The following SLCO2B1 variants were observed in gnomAD, a reference collection of about 807,000 sequenced individuals.
SLCO2B1 encodes the protein solute carrier organic anion transporter family member 2B1.
In SLCO2B1, 41 loss-of-function variants were observed where a neutral mutation model predicts 67.3. That is an observed-to-expected ratio of 0.61 (90% CI 0.47 to 0.79). The LOEUF (loss-of-function observed/expected upper bound fraction) is 0.79, where lower values mean the gene tolerates loss of function less well. SLCO2B1 is among the 30% of genes least tolerant of loss of function. The pLI, the probability that SLCO2B1 is intolerant of heterozygous loss-of-function variation, is 0.00. For missense variants in SLCO2B1, 837 were observed against 920.1 expected, an observed-to-expected ratio of 0.91 and a Z score of 1.17; for synonymous variants, 379 against 381.4, an observed-to-expected ratio of 0.99 and a Z score of 0.07.
chr11:75,188,096 G>A (rs1261154875), intron 7 of SLCO2B1, 40 bp from the exon 8 acceptor site: 1 of 1,466,984 alleles, frequency 6.8e-7, no homozygotes. Flanking sequence ...TGGGGTTGCT[G>A]GCATCCAGCG....
chr11:75,160,794 G>A (rs1244608239), intron 1 of SLCO2B1, among the ~76,000 whole-genome samples: 2 of 152,192 alleles, frequency 1.3e-5, no homozygotes, highest in Admixed American at 6.5e-5. Flanking sequence ...TTTCTCCAAA[G>A]CAAGATATAC....
At chr11:75,177,175 TAC>T (rs111442424) in intron 7 of SLCO2B1, among the ~76,000 whole-genome samples, 923 of 149,212 alleles carry the variant, frequency 6.2e-3, no homozygotes, top group Middle Eastern at 0.031. Flanking sequence ...TCCACCCCTC[TAC>T]ACACACACAC....
intron 4 of SLCO2B1, among the ~76,000 whole-genome samples, chr11:75,167,720 C>T (rs1013041387): frequency 2.0e-5 from 3 of 152,056 alleles, no homozygotes; most frequent in Admixed American, 1.3e-4. Context: ...TTAATGTTCA[C>T]GACTCCAGGA....
At position 75,181,295 on chromosome 11, in the gene SLCO2B1, G is replaced by A. The variant is rs142877598; in HGVS notation, c.973-6841G>A. Among the ~76,000 whole-genome samples, 1,444 of 151,744 alleles carry A rather than the reference G, an allele frequency of 9.5e-3. 15 individuals are homozygous for A. The highest frequency in any genetic ancestry group is 0.032 in the African/African-American group (1,340 of 41,318). ...TGAGGCAGGAGAATCACTTGAACCCGGGAGGTGGAGGTTGCAGTGAGCCGA... is the reference window on the plus strand; with the variant it reads ...TGAGGCAGGAGAATCACTTGAACCCAGGAGGTGGAGGTTGCAGTGAGCCGA... On this transcript the variant is annotated intron_variant, in intron 7 of 13. Transcript: ENST00000289575.
In SLCO2B1 at chr11:75,202,955, G is replaced by C. The variant is rs1945205993; in HGVS notation, c.1818G>C (p.Leu606=). Residue 606 remains leucine (L), a synonymous_variant, in exon 12 of 14, where the codon CTG becomes CTC. Transcript: ENST00000289575. ...TLAVGIQFMF[L]RILAWMPSPV... is the part of the protein sequence containing the mutation. The stretch of plus-strand genomic sequence containing the variant: ...CTGTGGGCATCCAGTTCATGTTCCT[G>C]AGGATTTTGGGTAAAGATCTTGCTT... 2 of 1,613,814 alleles carry C rather than the reference G, an allele frequency of 1.2e-6. No individual in the cohort carries two copies. The highest frequency in any genetic ancestry group is 1.7e-5 in the Admixed American group (1 of 59,986).
In SLCO2B1 at chr11:75,204,623, A is replaced by C. The variant is rs752102527; in HGVS notation, c.*43A>C. On this transcript the variant is annotated 3_prime_UTR_variant, in exon 14 of 14. Transcript: ENST00000289575. ...CCTGGCCAAGAGTAGCAGCCACAGC[A>C]GTACCTCCTCTGAGTCCTTTGCCCA... The C allele has an allele frequency of 3.2e-6, 5 of 1,549,600 alleles. No individual in the cohort carries two copies. The Admixed American group carries it at 7.5e-5, about 23-fold the overall frequency.
At chr11:75,197,018 A>C (rs951350875) in intron 10 of SLCO2B1, among the ~76,000 whole-genome samples, 2 of 152,246 alleles carry the variant, frequency 1.3e-5, no homozygotes, top group African/African-American at 4.8e-5. Flanking sequence ...CAGGAGGCTG[A>C]GGCAGGAGAA....
At chr11:75,167,230 G>C (rs777296244) in intron 4 of SLCO2B1, among the ~76,000 whole-genome samples, 4 of 152,170 alleles carry the variant, frequency 2.6e-5, no homozygotes, top group Non-Finnish European at 4.4e-5. Flanking sequence ...AAAACTCAGC[G>C]CGTGCATGAA....
chr11:75,172,943 T>A (rs1591818650), intron 7 of SLCO2B1, among the ~76,000 whole-genome samples: 1 of 146,162 alleles, frequency 6.8e-6, no homozygotes, highest in East Asian at 2.1e-4. Context: ...AAAAAAAAAA[T>A]TACACTGCAT....
chr11:75,203,148 C>T (rs1054607997), intron 12 of SLCO2B1, 159 bp from the exon 13 acceptor site: 37 of 1,214,580 alleles, frequency 3.0e-5, no homozygotes, highest in East Asian at 9.8e-5. Flanking sequence ...CTAGACAGCC[C>T]GTCAGGAAGC....
intron 6 of SLCO2B1, among the ~76,000 whole-genome samples, chr11:75,171,243 G>A (rs1436078732): frequency 6.6e-6 from 1 of 152,108 alleles, no homozygotes; most frequent in African/African-American, 2.4e-5. Flanking sequence ...GTGTGGGGTT[G>A]GTACATCAAG....
chr11:75,157,843 G>A (rs1047229355), intron 1 of SLCO2B1, among the ~76,000 whole-genome samples: 1 of 151,944 alleles, frequency 6.6e-6, no homozygotes. Context: ...ATAGAGATGG[G>A]GTATCACCAT....
intron 10 of SLCO2B1, among the ~76,000 whole-genome samples, chr11:75,197,322 C>T (rs1187043713): frequency 6.6e-6 from 1 of 152,186 alleles, no homozygotes; most frequent in Non-Finnish European, 1.5e-5. Flanking sequence ...GGTTGGGTCC[C>T]AGAAGCCTTC....
chr11:75,161,998 A>G (rs1195588068), intron 1 of SLCO2B1, among the ~76,000 whole-genome samples: 2 of 152,150 alleles, frequency 1.3e-5, no homozygotes, highest in Non-Finnish European at 2.9e-5. Context: ...TCTGTCCACA[A>G]GAGTGTTAAG....
chr11:75,197,897 C>A (rs1240092572), intron 10 of SLCO2B1, among the ~76,000 whole-genome samples: 1 of 152,150 alleles, frequency 6.6e-6, no homozygotes, highest in African/African-American at 2.4e-5. Context: ...TCCTCAGTTC[C>A]CCAAAATGAC....
intron 7 of SLCO2B1, among the ~76,000 whole-genome samples, chr11:75,183,977 T>A (rs569098767): frequency 7.2e-5 from 11 of 152,240 alleles, no homozygotes; most frequent in Admixed American, 3.3e-4. Context: ...TGGAGCAGGC[T>A]CATGTGTGCG....
chr11:75,162,968 G>A (rs1949840868), intron 2 of SLCO2B1, 183 bp downstream of exon 2: 5 of 646,290 alleles, frequency 7.7e-6, no homozygotes, highest in East Asian at 3.0e-5. Flanking sequence ...GCACATGGAA[G>A]GTGGCCAGTA....
At chr11:75,170,048 G>A (rs1045697433) in intron 6 of SLCO2B1, 10 of 380,580 alleles carry the variant, frequency 2.6e-5, no homozygotes, top group Middle Eastern at 7.9e-4. Flanking sequence ...GGGAGTCTTC[G>A]CCTTGTTCCA....
At position 75,203,377 on chromosome 11, in the gene SLCO2B1, T is replaced by G. The variant is rs1385158679; in HGVS notation, c.1899T>G (p.Cys633Trp). 3 of 1,614,152 alleles carry G rather than the reference T, an allele frequency of 1.9e-6. No individual in the cohort carries two copies. Among genetic ancestry groups the G allele is most frequent in the Non-Finnish European group, 2.5e-6 (3 of 1,180,022 alleles). The change falls in exon 13 of 14, where the codon TGT becomes TGG. Residue 633 changes from cysteine to tryptophan, a missense_variant. Coordinates refer to ENST00000289575, the MANE Select transcript of SLCO2B1 (RefSeq NM_007256.5). ...DTTCVHWALS[C>W]GRRAVCRYYN... ...CCTGTGTGCACTGGGCCCTGAGCTG[T>G]GGGCGTCGAGCTGTCTGTCGCTACT...
Sources: allele counts gnomAD v4.1 joint callset (sites outside exome capture counted in the v4.1 genomes callset), GRCh38; gene constraint gnomAD v4.1.1; transcripts MANE v1.5; gene names NCBI Gene and HGNC (gene_info 2026-07-23, HGNC 2026-07-21).